Variants in SPAG16 observed in about 807,000 individuals in gnomAD.
The protein encoded by SPAG16 is sperm-associated antigen 16 protein.
SPAG16 carries 86 observed loss-of-function variants against 80.4 expected under a neutral mutation model. That is an observed-to-expected ratio of 1.07 (90% CI 0.90 to 1.28). SPAG16 has a LOEUF of 1.28. Ranked by LOEUF, SPAG16 falls within the 50% of genes most tolerant of loss-of-function variation. The pLI is 0.00. For missense variants in SPAG16, 870 were observed against 765.3 expected, an observed-to-expected ratio of 1.14 and a Z score of -1.61; for synonymous variants, 294 against 265.9, an observed-to-expected ratio of 1.11 and a Z score of -1.03.
At chr2:214,245,184 A>C (rs1689751639) in intron 15 of SPAG16, among the ~76,000 whole-genome samples, 1 of 152,288 alleles carries the variant, frequency 6.6e-6, no homozygotes, top group East Asian at 1.9e-4. Flanking sequence ...TATTCTGACT[A>C]TACAGCAGCA....
At chr2:213,679,472 T>C (rs1334839085) in intron 10 of SPAG16, among the ~76,000 whole-genome samples, 1 of 152,172 alleles carries the variant, frequency 6.6e-6, no homozygotes, top group Non-Finnish European at 1.5e-5. Context: ...GTAAGAACAA[T>C]TGTAATTTTG....
chr2:213,609,633 A>G (rs1030278534), intron 10 of SPAG16, among the ~76,000 whole-genome samples: 2 of 152,060 alleles, frequency 1.3e-5, no homozygotes, highest in African/African-American at 4.8e-5. Flanking sequence ...GCTTTCTATT[A>G]TATAGGAGCT....
chr2:214,097,716 C>T (rs1457405502), intron 13 of SPAG16, among the ~76,000 whole-genome samples: 6 of 151,818 alleles, frequency 4.0e-5, no homozygotes, highest in African/African-American at 1.5e-4. Flanking sequence ...TTAAATGCTT[C>T]CCACGTGCTA....
At chr2:213,354,955 TGGTATTGCCTAGG>T (rs887901715) in intron 7 of SPAG16, among the ~76,000 whole-genome samples, 71 of 152,324 alleles carry the variant, frequency 4.7e-4, no homozygotes, top group African/African-American at 1.7e-3. Context: ...ATGTCCTAAA[TGGTATTGCCTAGG>T]TTCTGTTCTA....
At chr2:213,592,487 C>G (rs1475324729) in intron 10 of SPAG16, among the ~76,000 whole-genome samples, 2 of 152,152 alleles carry the variant, frequency 1.3e-5, no homozygotes, top group Non-Finnish European at 2.9e-5. Flanking sequence ...TTGAAAAGTG[C>G]AAGTATTTTT....
Position 213,689,607 on chromosome 2 carries a change from T to C in SPAG16, c.1071-172878T>C, listed in dbSNP as rs535327092. On this transcript the variant is annotated intron_variant, in intron 10 of 15. Coordinates refer to ENST00000331683, the MANE Select transcript of SPAG16 (RefSeq NM_024532.5). ...CTAAGAGCAGTGCCCAATAGCCATA[T>C]GAATTAATAAGATTTTTTAGTTTGA... Among the ~76,000 whole-genome samples the C allele has an allele frequency of 2.7e-5, 4 of 146,320 alleles. No homozygotes were observed. The South Asian group carries it at 8.7e-4, about 32-fold the overall frequency.
intron 9 of SPAG16, among the ~76,000 whole-genome samples, chr2:213,416,845 A>T (rs1291765299): frequency 6.6e-6 from 1 of 152,218 alleles, no homozygotes; most frequent in East Asian, 1.9e-4. Context: ...AAAAACACCA[A>T]TGTGGTCAGG....
chr2:214,082,598 C>T (rs2051455219), intron 13 of SPAG16, among the ~76,000 whole-genome samples: 1 of 152,168 alleles, frequency 6.6e-6, no homozygotes, highest in Non-Finnish European at 1.5e-5. Flanking sequence ...TTCGTCTTTT[C>T]ATCATTGCCA....
chr2:214,265,621 T>A (rs1436249033), intron 15 of SPAG16, among the ~76,000 whole-genome samples: 2 of 152,034 alleles, frequency 1.3e-5, no homozygotes, highest in African/African-American at 4.8e-5. Context: ...AGGTACAGTG[T>A]ATAATTTTTT....
chr2:214,130,598 A>G (rs1352890820), intron 14 of SPAG16, among the ~76,000 whole-genome samples: 3 of 152,206 alleles, frequency 2.0e-5, no homozygotes, highest in African/African-American at 7.2e-5. Flanking sequence ...ATTTCTTCAT[A>G]TTCCAGAAAC....
intron 10 of SPAG16, among the ~76,000 whole-genome samples, chr2:213,714,884 C>T (rs1326611781): frequency 2.0e-5 from 3 of 152,112 alleles, no homozygotes; most frequent in African/African-American, 4.8e-5. Flanking sequence ...TGCCAGACAT[C>T]GGGAACCCAA....
chr2:213,677,760 A>G (rs1030840057), intron 10 of SPAG16, among the ~76,000 whole-genome samples: 4 of 152,218 alleles, frequency 2.6e-5, no homozygotes, highest in African/African-American at 4.8e-5. Flanking sequence ...GCTCTGCACC[A>G]AGCGGACCTA....
intron 14 of SPAG16, among the ~76,000 whole-genome samples, chr2:214,141,241 G>A (rs1293163811): frequency 6.6e-6 from 1 of 152,078 alleles, no homozygotes; most frequent in African/African-American, 2.4e-5. Flanking sequence ...GGCCAAGGTA[G>A]GTGGATCACA....
At chr2:213,402,582 A>G (rs183448824) in intron 9 of SPAG16, among the ~76,000 whole-genome samples, 1,215 of 105,290 alleles carry the variant, frequency 0.012, 15 homozygotes, top group African/African-American at 0.037. Flanking sequence ...CCCCCTCCCC[A>G]CACCCCACAA....
chr2:214,223,900 T>C (rs1315156861), intron 15 of SPAG16, among the ~76,000 whole-genome samples: 1 of 152,184 alleles, frequency 6.6e-6, no homozygotes, highest in Admixed American at 6.6e-5. Context: ...TGACCAAGGC[T>C]GACCAAAGGA....
intron 13 of SPAG16, among the ~76,000 whole-genome samples, chr2:214,039,800 T>A (rs956149003): frequency 1.3e-5 from 2 of 152,236 alleles, no homozygotes; most frequent in Non-Finnish European, 2.9e-5. Context: ...TTAATACACA[T>A]GAAGCTGGCC....
rs2062683750 is a variant in SPAG16, at chr2:213,643,351, TATATATATATATATATA to T, written c.1070+153262_1070+153278del. The stretch of plus-strand genomic sequence containing the variant: ...CCAGATGTATTGGATCTTAATTTTA[TATATATATATATATATA>T]TATATATATATATATATATATATAT... On this transcript the variant is annotated intron_variant, in intron 10 of 15. Coordinates refer to ENST00000331683, the MANE Select transcript of SPAG16 (RefSeq NM_024532.5). Among the ~76,000 whole-genome samples, 3 of 4,030 alleles carry T rather than the reference TATATATATATATATATA, an allele frequency of 7.4e-4. 1 individual carries two copies. Among genetic ancestry groups the T allele is most frequent in the South Asian group, 0.027 (2 of 74 alleles). The allele number at this position is 4,030 out of a possible 152,430, so 2.6% of individuals were successfully genotyped here. A position where few individuals can be genotyped will look rare whatever the true frequency, so the allele number is the denominator to read the frequency against.
At chr2:214,255,947 A>T (rs12694320) in intron 15 of SPAG16, among the ~76,000 whole-genome samples, 9 of 151,620 alleles carry the variant, frequency 5.9e-5, no homozygotes, top group African/African-American at 1.9e-4. Context: ...TCTCTCATGA[A>T]AGTGTTTTCA....
intron 13 of SPAG16, among the ~76,000 whole-genome samples, chr2:214,015,945 G>A (rs2047571793): frequency 6.6e-6 from 1 of 152,192 alleles, no homozygotes; most frequent in Non-Finnish European, 1.5e-5. Flanking sequence ...GAAAAGGAGA[G>A]AATGCATTAA....
Sources: allele counts gnomAD v4.1 joint callset (sites outside exome capture counted in the v4.1 genomes callset), GRCh38; gene constraint gnomAD v4.1.1; transcripts MANE v1.5; gene names NCBI Gene and HGNC (gene_info 2026-07-23, HGNC 2026-07-21).